SLC39A6: variants seen among roughly 807,000 people sequenced by gnomAD.
SLC39A6 encodes the protein zinc transporter ZIP6.
SLC39A6 carries 51 observed loss-of-function variants against 63.5 expected under a neutral mutation model. The ratio of observed to expected loss-of-function variants is 0.80; its 90% CI spans 0.64 to 1.01. The LOEUF is 1.01. Among genes scored for constraint, SLC39A6 ranks in the 50% least tolerant of loss-of-function variants. SLC39A6 has a pLI of 0.00. For synonymous variants in SLC39A6, 318 were observed against 324.7 expected, an observed-to-expected ratio of 0.98 and a Z score of 0.22; for missense variants, 805 against 927.8, an observed-to-expected ratio of 0.87 and a Z score of 1.72.
Position 36,124,712 on chromosome 18 carries a change from A to G in SLC39A6, c.790-12T>C. 1 of 1,517,248 alleles carries G rather than the reference A, an allele frequency of 6.6e-7. No individual in the cohort carries two copies. Among genetic ancestry groups the G allele is most frequent in the Non-Finnish European group, 9.0e-7 (1 of 1,111,692 alleles). The allele number at this position is 1,517,248 out of a possible 1,614,324, so 94.0% of individuals were successfully genotyped here. A position where few individuals can be genotyped will look rare whatever the true frequency, so the allele number is the denominator to read the frequency against. ...GATGCATTGAAACACTGAAAGAAAC[A>G]AAGCAGTGAAAATCACCAAAAGCCA... On this transcript the variant is annotated splice_polypyrimidine_tract_variant and intron_variant, in intron 2 of 9. Coordinates refer to ENST00000269187, the MANE Select transcript of SLC39A6 (RefSeq NM_012319.4).
chr18:36,126,319 CTCTTTGATGTGACACTGGGTGGAG>C lies in SLC39A6; in HGVS notation c.665_688del (p.Thr222_Lys229del), dbSNP rs1307282623. On this transcript the variant is annotated inframe_deletion, in exon 2 of 10. Coordinates refer to ENST00000269187, the MANE Select transcript of SLC39A6 (RefSeq NM_012319.4). ...CCTACCAGCCAGCCGGCTCACCCGG[CTCTTTGATGTGACACTGGGTGGAG>C]TGGAGCTGCTTACATCTTTGGGGAA... 4 of 1,614,138 alleles carry C rather than the reference CTCTTTGATGTGACACTGGGTGGAG, an allele frequency of 2.5e-6. No individual in the cohort carries two copies. In the African/African-American group the frequency reaches 5.3e-5, roughly 22 times the overall value.
At chr18:36,110,123 T>C (rs1201717363) in intron 9 of SLC39A6, among the ~76,000 whole-genome samples, 1 of 152,204 alleles carries the variant, frequency 6.6e-6, no homozygotes, top group Admixed American at 6.5e-5. Flanking sequence ...AGATACATAT[T>C]GTCTTTGATT....
intron 4 of SLC39A6, 139 bp downstream of exon 4, chr18:36,123,356 A>C (rs2089409345): frequency 1.3e-6 from 1 of 757,834 alleles, no homozygotes; most frequent in African/African-American, 1.8e-5. Flanking sequence ...TACAGCTTTC[A>C]CTTACCAAAT....
chr18:36,112,391 T>C (rs1376104498), intron 8 of SLC39A6, 110 bp downstream of exon 8: 6 of 767,222 alleles, frequency 7.8e-6, no homozygotes, highest in Non-Finnish European at 1.4e-5. Flanking sequence ...AGCAGACTTA[T>C]GAGAAGGCAT....
chr18:36,117,144 C>T (rs957581541), intron 5 of SLC39A6, among the ~76,000 whole-genome samples: 2 of 152,046 alleles, frequency 1.3e-5, no homozygotes, highest in African/African-American at 2.4e-5. Context: ...AGCTGAGGCA[C>T]AAGAATTGCT....
Position 36,108,637 on chromosome 18 carries a change from A to G in SLC39A6, c.*956T>C, listed in dbSNP as rs1342299711. The G allele has an allele frequency of 2.0e-5, 3 of 152,250 alleles. No individual in the cohort carries two copies. The highest frequency in any genetic ancestry group is 4.4e-5 in the Non-Finnish European group (3 of 68,042). 9.4% of individuals were successfully genotyped at this position (152,250 alleles called of 1,614,324 possible). A position where few individuals can be genotyped will look rare whatever the true frequency, so the allele number is the denominator to read the frequency against. ...CGTATATAAAAGACAATTGCTCACA[A>G]TGATAGCACTGAAGCACTGAGAGAT... is the stretch of plus-strand genomic sequence containing the variant. On this transcript the variant is annotated 3_prime_UTR_variant, in exon 10 of 10. Transcript: ENST00000269187.
chr18:36,123,673 C>T lies in SLC39A6; in HGVS notation c.971-9G>A. On this transcript the variant is annotated splice_polypyrimidine_tract_variant and intron_variant, in intron 3 of 9. Transcript: ENST00000269187. ...AAAACCACCAACCCAGGCTGTCAAA[C>T]AAAACAAAACAGAGCAAAGAAAAAT... 1 of 1,583,768 alleles carries T rather than the reference C, an allele frequency of 6.3e-7. No homozygotes were observed. The highest frequency in any genetic ancestry group is 8.5e-7 in the Non-Finnish European group (1 of 1,171,100).
intron 7 of SLC39A6, among the ~76,000 whole-genome samples, 176 bp from the exon 8 acceptor site, chr18:36,112,757 T>G (rs1399079229): frequency 6.6e-6 from 1 of 152,242 alleles, no homozygotes; most frequent in Non-Finnish European, 1.5e-5. Flanking sequence ...CCATGAGGTC[T>G]AAATTTCCCA....
rs2144495152 is a variant in SLC39A6 at position 36,109,546 on chromosome 18, C to T, written c.*47G>A. The T allele has an allele frequency of 1.3e-6, 2 of 1,499,484 alleles. No individual in the cohort carries two copies. Among genetic ancestry groups the T allele is most frequent in the South Asian group, 1.2e-5 (1 of 85,012 alleles). 92.9% of individuals were successfully genotyped at this position (1,499,484 alleles called of 1,614,324 possible). A position where few individuals can be genotyped will look rare whatever the true frequency, so the allele number is the denominator to read the frequency against. On this transcript the variant is annotated 3_prime_UTR_variant, in exon 10 of 10. Coordinates refer to ENST00000269187, the MANE Select transcript of SLC39A6 (RefSeq NM_012319.4). ...TACAAACTCATCTCCCTATGACCTACTGAAACTATGACAACTTTTTAAGCT... is the reference window on the plus strand; with the variant it reads ...TACAAACTCATCTCCCTATGACCTATTGAAACTATGACAACTTTTTAAGCT...
chr18:36,126,323 T>C lies in SLC39A6; in HGVS notation c.685A>G (p.Lys229Glu), dbSNP rs2089436675. The change falls in exon 2 of 10, where the codon AAG (lysine) becomes GAG (glutamate). Residue 229 changes from lysine (K) to glutamate (E), a missense_variant. Lys to Glu is a moderately conservative substitution (Grantham distance 56). Transcript: ENST00000269187. Reference sequence around the variant, plus strand: ...CCAGCCAGCCGGCTCACCCGGCTCTTTGATGTGACACTGGGTGGAGTGGAG... The same window carrying C: ...CCAGCCAGCCGGCTCACCCGGCTCTCTGATGTGACACTGGGTGGAGTGGAG... ...SSSTPPSVTS[K>E]SRVSRLAGRK... is the part of the protein sequence containing the mutation. The C allele has an allele frequency of 1.2e-6, 2 of 1,614,132 alleles. No homozygotes were observed. The highest frequency in any genetic ancestry group is 2.7e-5 in the African/African-American group (2 of 74,938).
At chr18:36,128,823 T>C (rs1182353672) in intron 1 of SLC39A6, among the ~76,000 whole-genome samples, 1 of 152,190 alleles carries the variant, frequency 6.6e-6, no homozygotes, top group Admixed American at 6.5e-5. Context: ...CTAAAAGCTT[T>C]TTATTTCTAA....
At chr18:36,117,715 A>G (rs1056729863) in intron 5 of SLC39A6, among the ~76,000 whole-genome samples, 2 of 152,222 alleles carry the variant, frequency 1.3e-5, no homozygotes, top group African/African-American at 4.8e-5. Context: ...GTGTCTATAC[A>G]TTCTTAGATT....
At chr18:36,113,103 T>A (rs11435419) in intron 7 of SLC39A6, among the ~76,000 whole-genome samples, 1 of 134,860 alleles carries the variant, frequency 7.4e-6, no homozygotes, top group Admixed American at 7.6e-5. Flanking sequence ...ATATATATTT[T>A]TTTTTTTCAG....
At chr18:36,114,587 C>A in intron 6 of SLC39A6, 113 bp from the exon 7 acceptor site, 2 of 686,912 alleles carry the variant, frequency 2.9e-6, no homozygotes, top group Non-Finnish European at 2.4e-6. Context: ...CATGATAACT[C>A]CTTCATATCT....
rs117875333 is a variant in SLC39A6, at chr18:36,112,626, G to A, written c.1844-45C>T. 1.9e-4 allele frequency: 283 copies of A among 1,457,002 alleles called. 1 individual carries two copies. In the East Asian group the frequency reaches 5.7e-3, roughly 29 times the overall value. 90.3% of individuals were successfully genotyped at this position (1,457,002 alleles called of 1,614,324 possible). Reference sequence around the variant, plus strand: ...AAAAAGTTTGGCTACATTAATTTGTGTTTTTTAATCTTATCAGTATGCAAA... The same window carrying A: ...AAAAAGTTTGGCTACATTAATTTGTATTTTTTAATCTTATCAGTATGCAAA... On this transcript the variant is annotated intron_variant, in intron 7 of 9. Coordinates refer to ENST00000269187, the MANE Select transcript of SLC39A6 (RefSeq NM_012319.4).
chr18:36,121,298 A>G (rs1314313990), intron 5 of SLC39A6, among the ~76,000 whole-genome samples: 1 of 152,160 alleles, frequency 6.6e-6, no homozygotes, highest in Non-Finnish European at 1.5e-5. Flanking sequence ...CTGAGATTAC[A>G]GGCATGCGCC....
chr18:36,125,581 A>G (rs2089430347), intron 2 of SLC39A6, among the ~76,000 whole-genome samples: 1 of 151,370 alleles, frequency 6.6e-6, no homozygotes, highest in Non-Finnish European at 1.5e-5. Context: ...AACTGTATCA[A>G]CTAATTCCTT....
At chr18:36,128,287 C>A (rs1891073129) in intron 1 of SLC39A6, among the ~76,000 whole-genome samples, 1 of 152,206 alleles carries the variant, frequency 6.6e-6, no homozygotes, top group South Asian at 2.1e-4. Flanking sequence ...AAGTTTACAA[C>A]TAAGCAAGAG....
intron 5 of SLC39A6, among the ~76,000 whole-genome samples, chr18:36,118,768 C>T (rs74399232): frequency 0.015 from 2,316 of 152,290 alleles, 59 homozygotes; most frequent in African/African-American, 0.053. Flanking sequence ...TTAAACAAAT[C>T]ACTGCCCGCT....
Sources: gnomAD v4.1 joint callset for allele counts (sites outside exome capture counted in the v4.1 genomes callset) on GRCh38, gnomAD v4.1.1 for gene constraint, MANE v1.5 for transcripts, NCBI Gene and HGNC (gene_info 2026-07-23, HGNC 2026-07-21) for gene names.